CCDC57: variants seen among roughly 807,000 people sequenced by gnomAD.
CCDC57 encodes coiled-coil domain-containing protein 57.
In CCDC57, 118 loss-of-function variants were observed where a neutral mutation model predicts 118.9. That is an observed-to-expected ratio of 0.99 (90% CI 0.86 to 1.16). The LOEUF (loss-of-function observed/expected upper bound fraction) is 1.16. Among genes scored for constraint, CCDC57 ranks in the 50% most tolerant of loss-of-function variants. The probability of loss-of-function intolerance (pLI) is 0.00; values close to 1 mark genes in which losing one functional copy is unlikely to be tolerated. For synonymous variants in CCDC57, 527 were observed against 532.9 expected (o/e 0.99, Z 0.15); for missense variants, 1,300 against 1,320.7 (o/e 0.98, Z 0.24).
intron 14 of CCDC57, 57 bp from the exon 14 acceptor site, chr17:82,158,005 G>C (rs1490752875): frequency 6.6e-7 from 1 of 1,514,236 alleles, no homozygotes; most frequent in African/African-American, 1.4e-5. Context: ...GCTGGAGCAG[G>C]CCCCTGGGCA....
intron 19 of CCDC57, among the ~76,000 whole-genome samples, chr17:82,121,128 G>A (rs1033943876): frequency 2.2e-4 from 34 of 152,308 alleles, no homozygotes; most frequent in African/African-American, 8.2e-4. Flanking sequence ...GCTCCCGCCT[G>A]TAATCCCAGC....
chr17:82,209,767 G>A (rs554483618), intron 1 of CCDC57, among the ~76,000 whole-genome samples: 6 of 152,230 alleles, frequency 3.9e-5, no homozygotes, highest in Admixed American at 1.3e-4. Flanking sequence ...GACTACAGGC[G>A]TGAGCCACTG....
chr17:82,134,468 C>T (rs1010788571), intron 16 of CCDC57: 6 of 313,056 alleles, frequency 1.9e-5, no homozygotes, highest in Non-Finnish European at 3.5e-5. Flanking sequence ...ACAGAAGCAC[C>T]CAGACGCCCT....
intron 16 of CCDC57, among the ~76,000 whole-genome samples, chr17:82,143,471 TAC>T (rs1038982134): frequency 6.8e-4 from 77 of 112,970 alleles, no homozygotes; most frequent in African/African-American, 2.1e-3. Context: ...GGGGTGCTCT[TAC>T]ACACACACAG....
intron 19 of CCDC57, 84 bp from the exon 19 acceptor site, chr17:82,101,950 A>T: frequency 7.6e-7 from 1 of 1,321,994 alleles, no homozygotes; most frequent in Non-Finnish European, 1.0e-6. Flanking sequence ...GCACAGGTGC[A>T]GCACTTCCGT....
At chr17:82,187,236 C>CAAA (rs61100137) in intron 8 of CCDC57, among the ~76,000 whole-genome samples, 3 of 63,030 alleles carry the variant, frequency 4.8e-5, no homozygotes, top group African/African-American at 6.7e-5. Context: ...GACTCCATCT[C>CAAA]AAAAAAAAAA....
At chr17:82,102,699 A>G (rs929256123) in intron 19 of CCDC57, among the ~76,000 whole-genome samples, 1 of 151,960 alleles carries the variant, frequency 6.6e-6, no homozygotes, top group Non-Finnish European at 1.5e-5. Flanking sequence ...CCTGGCCAAC[A>G]ATGGTGAAAC....
chr17:82,136,580 CAAAA>C (rs761497406), intron 16 of CCDC57, among the ~76,000 whole-genome samples: 224 of 80,820 alleles, frequency 2.8e-3, no homozygotes, highest in African/African-American at 8.9e-3. Context: ...TGTATAGTAC[CAAAA>C]AAAAAAAAAA....
chr17:82,101,910 G>C (rs781128804), intron 19 of CCDC57, 44 bp from the exon 19 acceptor site: 3 of 1,506,586 alleles, frequency 2.0e-6, no homozygotes, highest in Non-Finnish European at 1.8e-6. Flanking sequence ...AGGATGGCAG[G>C]GGGAGCAGGA....
intron 3 of CCDC57, 65 bp from the exon 3 acceptor site, chr17:82,198,487 A>C: frequency 8.8e-7 from 1 of 1,135,822 alleles, no homozygotes; most frequent in East Asian, 2.4e-5. Context: ...ATACATTTTC[A>C]AGGTGCACTT....
chr17:82,172,683 C>T lies in CCDC57; in HGVS notation c.1684G>A (p.Ala562Thr). Residue 562 changes from alanine (A) to threonine (T), a missense_variant, in exon 12 of 20, where the codon GCA (alanine) becomes ACA (threonine). Coordinates refer to ENST00000665763, the Ensembl canonical transcript of CCDC57. This position sits in a 1 kb window ranked among gnomAD's most constrained non-coding sequence, Gnocchi z 5.2. ...CCAGCCTCTGGGTCAGGCTGGTTTG[C>T]ATCTGTGCTCTCTGCCGCTGTCTGG... is the stretch of plus-strand genomic sequence containing the variant. The T allele has an allele frequency of 6.4e-7, 1 of 1,557,636 alleles. No individual in the cohort carries two copies. Among genetic ancestry groups the T allele is most frequent in the Non-Finnish European group, 8.7e-7 (1 of 1,150,856 alleles).
intron 14 of CCDC57, among the ~76,000 whole-genome samples, chr17:82,161,875 T>C (rs1368977913): frequency 6.6e-6 from 1 of 152,044 alleles, no homozygotes; most frequent in Non-Finnish European, 1.5e-5. Flanking sequence ...CACTTTAAAA[T>C]GGCCAAAATG....
rs1208829533 is a variant in CCDC57 at position 82,127,976 on chromosome 17, A to T, written c.2683-68T>A. ...CAGAGGAAGCCACAGGACTCCCCCC[A>T]ACCACTCCCCTCGGAGCAGTAAGGC... is the stretch of plus-strand genomic sequence containing the variant. On this transcript the variant is annotated intron_variant, in intron 18 of 19. Transcript: ENST00000665763. 3.2e-6 allele frequency: 5 copies of T among 1,575,948 alleles called. No individual in the cohort carries two copies. In the South Asian group the frequency reaches 5.8e-5, roughly 18 times the overall value.
chr17:82,134,460 A>G lies in CCDC57; in HGVS notation c.2456-266T>C, dbSNP rs1312024619. 4 of 323,430 alleles carry G rather than the reference A, an allele frequency of 1.2e-5. No individual in the cohort carries two copies. The East Asian group carries it at 1.9e-4, about 15-fold the overall frequency. 20.0% of individuals were successfully genotyped at this position (323,430 alleles called of 1,614,324 possible). A position where few individuals can be genotyped will look rare whatever the true frequency, so the allele number is the denominator to read the frequency against. ...GGGGGCAGCAAGCACATTCGCTAAC[A>G]GAAGCACCCAGACGCCCTTTCTGTG... On this transcript the variant is annotated intron_variant, in intron 16 of 19. Coordinates refer to ENST00000665763, the Ensembl canonical transcript of CCDC57.
chr17:82,161,184 GCAT>G (rs1365505576), intron 14 of CCDC57, among the ~76,000 whole-genome samples: 50 of 152,330 alleles, frequency 3.3e-4, no homozygotes, highest in Middle Eastern at 3.4e-3. Context: ...AGGATGCCTA[GCAT>G]CACAGCCAGA....
At chr17:82,128,440 C>T in intron 18 of CCDC57, 53 bp downstream of exon 17, 2 of 1,332,126 alleles carry the variant, frequency 1.5e-6, no homozygotes, top group Non-Finnish European at 2.1e-6. Context: ...CCCCGGCTTC[C>T]CTGCTGGCCA....
At chr17:82,160,905 G>C (rs1460675156) in intron 14 of CCDC57, among the ~76,000 whole-genome samples, 4 of 143,318 alleles carry the variant, frequency 2.8e-5, no homozygotes. Context: ...AAAAGAGAAA[G>C]TGAAAAGACA....
chr17:82,135,832 G>T (rs906717144), intron 16 of CCDC57, among the ~76,000 whole-genome samples: 7 of 151,784 alleles, frequency 4.6e-5, no homozygotes, highest in African/African-American at 1.7e-4. Flanking sequence ...GGCCGGGTGG[G>T]GGGGATCCTT....
chr17:82,201,811 T>G, exon 3 of CCDC57: 1 of 1,613,562 alleles, frequency 6.2e-7, no homozygotes, highest in Non-Finnish European at 8.5e-7. Context: ...CCCCTGCGCC[T>G]CCTCCAGCTG....
Sources: gnomAD v4.1 joint callset for allele counts (sites outside exome capture counted in the v4.1 genomes callset) on GRCh38, gnomAD v4.1.1 for gene constraint, Gnocchi (gnomAD v3.1) non-coding constraint, MANE v1.5 for transcripts, NCBI Gene and HGNC (gene_info 2026-07-23, HGNC 2026-07-21) for gene names.